The following WASHC2C variants were observed in gnomAD, a reference collection of about 807,000 sequenced individuals.
WASHC2C encodes the protein Vaccinia Penetration Factor.
A neutral mutation model predicts 142.2 loss-of-function variants in WASHC2C; 73 were observed. The observed-to-expected ratio is 0.51, with a 90% CI of 0.43 to 0.62. The LOEUF (loss-of-function observed/expected upper bound fraction) is 0.62, where lower values mean the gene tolerates loss of function less well. Ranked by LOEUF, WASHC2C falls within the 20% of genes least tolerant of loss-of-function variation. The pLI is 0.00. For missense variants in WASHC2C, 969 were observed against 1,531.7 expected, an observed-to-expected ratio of 0.63 and a Z score of 6.13; for synonymous variants, 337 against 565.5, an observed-to-expected ratio of 0.60 and a Z score of 5.73.
chr10:45,787,952 A>G (rs1222576361), intron 28 of WASHC2C, among the ~76,000 whole-genome samples: 1 of 152,170 alleles, frequency 6.6e-6, no homozygotes, highest in Admixed American at 6.5e-5. Context: ...TCTTGTTTCT[A>G]TCCAGTCTCC....
At position 45,789,312 on chromosome 10, in the gene WASHC2C, G is replaced by C. The variant is rs1389142717; in HGVS notation, c.3529G>C (p.Glu1177Gln). Residue 1177 changes from glutamate (E) to glutamine (Q), a missense_variant, in exon 29 of 31, where the codon GAG becomes CAG. Coordinates refer to ENST00000623400, the MANE Select transcript of WASHC2C (RefSeq NM_001330074.2). Reference protein sequence around the residue: ...AKSPMFPALGEASSDDDLFQS... With the variant: ...AKSPMFPALGQASSDDDLFQS... ...GAGCCCCATGTTTCCTGCTCTAGGC[G>C]AGGCCAGCAGTGATGATGATCTCTT... 4 of 1,612,066 alleles carry C rather than the reference G, an allele frequency of 2.5e-6. No individual in the cohort carries two copies. Among genetic ancestry groups the C allele is most frequent in the Non-Finnish European group, 3.4e-6 (4 of 1,179,866 alleles).
Position 45,728,832 on chromosome 10 carries a change from A to G in WASHC2C, c.127-30A>G. The G allele has an allele frequency of 3.1e-6, 5 of 1,606,010 alleles. No homozygotes were observed. In the Admixed American group the frequency reaches 8.5e-5, roughly 27 times the overall value. On this transcript the variant is annotated intron_variant, in intron 2 of 30. Coordinates refer to ENST00000623400, the MANE Select transcript of WASHC2C (RefSeq NM_001330074.2). ...TGCAGAATAGTTACATGTAACATTG[A>G]TACTACTGTATGTTTATTTTTTAAA... is the stretch of plus-strand genomic sequence containing the variant.
At position 45,746,625 on chromosome 10, in the gene WASHC2C, A is replaced by C; in HGVS notation, c.710A>C (p.His237Pro). Residue 237 changes from histidine (H) to proline (P), a missense_variant, in exon 8 of 31, where the codon CAC becomes CCC. Transcript: ENST00000623400. ...EEESDEDFAH[H>P]SDNEQNQHTT... ...GAGTCAGATGAAGATTTTGCCCATC[A>C]CAGTGACAATGAACAAAACCAGGTA... The C allele has an allele frequency of 6.2e-7, 1 of 1,613,666 alleles. No homozygotes were observed. Among genetic ancestry groups the C allele is most frequent in the Admixed American group, 1.7e-5 (1 of 60,000 alleles).
Position 45,750,745 on chromosome 10 carries a change from C to G in WASHC2C, c.844-6C>G. 8 of 1,547,694 alleles carry G rather than the reference C, an allele frequency of 5.2e-6. No individual in the cohort carries two copies. Among genetic ancestry groups the G allele is most frequent in the Non-Finnish European group, 7.0e-6 (8 of 1,146,664 alleles). On this transcript the variant is annotated splice_polypyrimidine_tract_variant and splice_region_variant and intron_variant, in intron 9 of 30. Coordinates refer to ENST00000623400, the MANE Select transcript of WASHC2C (RefSeq NM_001330074.2). ...AAAGCGATTCTTTTGATTTCTCCTG[C>G]TGTAGAAAAGAAGCAGACCTACATC...
At chr10:45,769,697 A>G in intron 20 of WASHC2C, 79 bp downstream of exon 20, 1 of 1,603,486 alleles carries the variant, frequency 6.2e-7, no homozygotes, top group Non-Finnish European at 8.5e-7. Flanking sequence ...AATCTAGTTC[A>G]TCGGGTGATT....
intron 16 of WASHC2C, among the ~76,000 whole-genome samples, chr10:45,758,351 G>C (rs1554878357): frequency 6.6e-6 from 1 of 152,118 alleles, no homozygotes; most frequent in African/African-American, 2.4e-5. Flanking sequence ...AGTGATAGTT[G>C]AACACAGTGT....
At chr10:45,784,269 T>TATATATATATATATATACAC (rs1564819630) in intron 23 of WASHC2C, among the ~76,000 whole-genome samples, 2 of 13,484 alleles carry the variant, frequency 1.5e-4, no homozygotes, top group African/African-American at 4.2e-4. Flanking sequence ...TATATATATA[T>TATATATATATATATATACAC]ATATATATAT....
rs781985337 is a variant in WASHC2C, at chr10:45,755,085, T to C, written c.1390T>C (p.Ser464Pro). 1.4e-5 allele frequency: 23 copies of C among 1,611,132 alleles called. No individual in the cohort carries two copies. Among genetic ancestry groups the C allele is most frequent in the Non-Finnish European group, 1.8e-5 (21 of 1,179,562 alleles). ...DDGDDDDDFF[S>P]APHSKPSKTR... is the part of the protein sequence containing the mutation. ...TGGTGATGATGATGACGACTTTTTCTCGGCACCCCACAGCAAACCTTCTAA... is the reference window on the plus strand; with the variant it reads ...TGGTGATGATGATGACGACTTTTTCCCGGCACCCCACAGCAAACCTTCTAA... The change falls in exon 15 of 31, where the codon TCG (serine) becomes CCG (proline). Residue 464 changes from serine to proline, a missense_variant. By Grantham distance (74) the Ser-to-Pro change is moderately conservative. Transcript: ENST00000623400.
At chr10:45,788,051 C>T (rs1554891002) in intron 28 of WASHC2C, among the ~76,000 whole-genome samples, 1 of 152,214 alleles carries the variant, frequency 6.6e-6, no homozygotes, top group Non-Finnish European at 1.5e-5. Flanking sequence ...CAAATGTTTG[C>T]AAACCTGTTT....
chr10:45,786,834 C>T, intron 27 of WASHC2C, 160 bp downstream of exon 27: 1 of 1,534,104 alleles, frequency 6.5e-7, no homozygotes, highest in Non-Finnish European at 8.9e-7. Flanking sequence ...GCGTCTTTAA[C>T]ATCTATTCTT....
chr10:45,753,763 C>G (rs1554875823), intron 13 of WASHC2C, among the ~76,000 whole-genome samples: 1 of 147,154 alleles, frequency 6.8e-6, no homozygotes, highest in Non-Finnish European at 1.5e-5. Flanking sequence ...GCTAGGAATA[C>G]AGGCATGAGC....
At chr10:45,764,492 C>T (rs1554881433) in intron 18 of WASHC2C, among the ~76,000 whole-genome samples, 2 of 150,210 alleles carry the variant, frequency 1.3e-5, no homozygotes, top group African/African-American at 5.0e-5. Context: ...TGTTTTGGAT[C>T]AAGTGGAGAT....
At chr10:45,762,511 A>C (rs1320525880) in intron 17 of WASHC2C, among the ~76,000 whole-genome samples, 1 of 152,228 alleles carries the variant, frequency 6.6e-6, no homozygotes, top group East Asian at 1.9e-4. Context: ...TTTCTTTAGA[A>C]TCTATCAGGT....
In WASHC2C at chr10:45,752,707, G is replaced by A; in HGVS notation, c.1122+1G>A. The A allele has an allele frequency of 1.2e-6, 2 of 1,609,392 alleles. No homozygotes were observed. The highest frequency in any genetic ancestry group is 1.7e-6 in the Non-Finnish European group (2 of 1,178,998). On this transcript the variant is annotated splice_donor_variant, in intron 12 of 30. Coordinates refer to ENST00000623400, the MANE Select transcript of WASHC2C (RefSeq NM_001330074.2). LOFTEE classifies it high-confidence loss of function. ...GCTATTTGATGATGAGGACGAGGAG[G>A]TGAGTCCATGGCACCCAGCAACACT... is the stretch of plus-strand genomic sequence containing the variant.
chr10:45,784,287 T>TATATATATATATATAC (rs1554889013), intron 23 of WASHC2C, among the ~76,000 whole-genome samples: 6 of 8,514 alleles, frequency 7.0e-4, no homozygotes, highest in Non-Finnish European at 1.6e-3. Flanking sequence ...TATATATATA[T>TATATATATATATATAC]ATACACATAT....
intron 6 of WASHC2C, 75 bp downstream of exon 6, chr10:45,743,558 A>T (rs2052413791): frequency 5.1e-6 from 8 of 1,557,294 alleles, no homozygotes; most frequent in Non-Finnish European, 6.1e-6. Context: ...ATTTTACATT[A>T]AAGTTTCAAG....
At chr10:45,764,316 T>C (rs2055516482) in intron 18 of WASHC2C, among the ~76,000 whole-genome samples, 1 of 150,720 alleles carries the variant, frequency 6.6e-6, no homozygotes, top group South Asian at 2.1e-4. Context: ...ATGGTTTGTC[T>C]GCAAGATTTT....
chr10:45,727,140 T>G, upstream of WASHC2C: 7 of 1,429,422 alleles, frequency 4.9e-6, no homozygotes, highest in South Asian at 1.0e-4. Context: ...CCAGTCCACT[T>G]CCGCAGCTTC....
intron 3 of WASHC2C, among the ~76,000 whole-genome samples, chr10:45,733,376 T>C (rs1195388678): frequency 3.3e-5 from 5 of 152,144 alleles, no homozygotes; most frequent in African/African-American, 1.2e-4. Context: ...ACCAGGGCTG[T>C]GTATAGTCTG....
Sources: gnomAD v4.1 joint callset for allele counts (sites outside exome capture counted in the v4.1 genomes callset) on GRCh38, gnomAD v4.1.1 for gene constraint, MANE v1.5 for transcripts, NCBI Gene and HGNC (gene_info 2026-07-23, HGNC 2026-07-21) for gene names.